Variants in RAPGEF2 observed in about 807,000 individuals in gnomAD.
RAPGEF2 encodes the protein Rap guanine nucleotide exchange factor 2, also known as PDZ domain containing guanine nucleotide exchange factor (GEF) 1.
RAPGEF2 carries 54 observed loss-of-function variants against 186.7 expected under a neutral mutation model. That is an observed-to-expected ratio of 0.29 (90% CI 0.23 to 0.36). The LOEUF (loss-of-function observed/expected upper bound fraction) is 0.36, where lower values mean the gene tolerates loss of function less well. RAPGEF2 is among the 10% of genes least tolerant of loss of function. The probability of loss-of-function intolerance (pLI) is 1.00; values close to 1 mark genes in which losing one functional copy is unlikely to be tolerated. For synonymous variants in RAPGEF2, 712 were observed against 705.9 expected (o/e 1.01, Z -0.14); for missense variants, 1,532 against 2,045.0 (o/e 0.75, Z 4.84).
At chr4:159,256,966 A>G (rs1296187088) in intron 7 of RAPGEF2, among the ~76,000 whole-genome samples, 2 of 152,112 alleles carry the variant, frequency 1.3e-5, no homozygotes, top group Non-Finnish European at 1.5e-5. Flanking sequence ...ATAGATTGTA[A>G]AAATTCTCTC....
intron 22 of RAPGEF2, 95 bp downstream of exon 22, chr4:159,343,499 A>G (rs1432060351): frequency 1.5e-5 from 23 of 1,496,990 alleles, no homozygotes; most frequent in East Asian, 2.3e-5. Flanking sequence ...GAGTATTTAT[A>G]TTTGTAGTAC....
rs1175957079 is a variant in RAPGEF2 at position 159,304,467 on chromosome 4, C to G, written c.669C>G (p.Ile223Met). 6.2e-7 allele frequency: 1 copy of G among 1,603,774 alleles called. No individual in the cohort carries two copies. The highest frequency in any genetic ancestry group is 8.5e-7 in the Non-Finnish European group (1 of 1,171,930). Reference sequence around the variant, plus strand: ...CTGGGAGCAGCAGTCTTTCTGATATCTACCAGGTAAGAGGATGTTTTCCTT... The same window carrying G: ...CTGGGAGCAGCAGTCTTTCTGATATGTACCAGGTAAGAGGATGTTTTCCTT... The part of the protein sequence containing the change: ...SDSGSSSLSD[I>M]YQATESEAGD... The change falls in exon 8 of 30, where the codon ATC becomes ATG. Residue 223 changes from isoleucine (I) to methionine (M), a missense_variant. This residue lies in a region of RAPGEF2 where 810 missense variants were observed against 1,210.5 expected (regional missense o/e 0.67). Coordinates refer to ENST00000691494, the MANE Select transcript of RAPGEF2 (RefSeq NM_001394067.2).
chr4:159,291,685 A>G (rs1761237509), intron 7 of RAPGEF2, among the ~76,000 whole-genome samples: 1 of 152,224 alleles, frequency 6.6e-6, no homozygotes, highest in South Asian at 2.1e-4. Flanking sequence ...ATAAAGTTAT[A>G]TAACCAGTGT....
chr4:159,182,569 T>C (rs1438515415), intron 1 of RAPGEF2, among the ~76,000 whole-genome samples: 1 of 152,074 alleles, frequency 6.6e-6, no homozygotes, highest in Non-Finnish European at 1.5e-5. Context: ...CAAATTTTTG[T>C]ATTTTCAGCA....
At chr4:159,304,574 A>AT in intron 8 of RAPGEF2, 101 bp downstream of exon 8, 5 of 1,109,696 alleles carry the variant, frequency 4.5e-6, no homozygotes, top group Non-Finnish European at 6.4e-6. Context: ...ATATGTGTAT[A>AT]TTACATGTGC....
At chr4:159,229,385 G>T (rs949477824) in intron 4 of RAPGEF2, 1 of 152,202 alleles carries the variant, frequency 6.6e-6, no homozygotes. Flanking sequence ...ACTGCCTTTC[G>T]TGGAAAGCTC....
At chr4:159,109,155 CTTAAT>C (rs1218756734) in intron 1 of RAPGEF2, among the ~76,000 whole-genome samples, 1 of 152,064 alleles carries the variant, frequency 6.6e-6, no homozygotes, top group Non-Finnish European at 1.5e-5. Context: ...CATATGAAAA[CTTAAT>C]GAGAAAAAAA....
At chr4:159,106,354 A>G (rs1737884649) in intron 1 of RAPGEF2, among the ~76,000 whole-genome samples, 2 of 152,222 alleles carry the variant, frequency 1.3e-5, no homozygotes, top group Admixed American at 6.5e-5. Flanking sequence ...AACGTTTTCC[A>G]TCTTTACCTG....
Position 159,189,265 on chromosome 4 carries a change from C to T in RAPGEF2, c.140+2553C>T, listed in dbSNP as rs149613466. Among the ~76,000 whole-genome samples, 612 of 152,190 alleles carry T rather than the reference C, an allele frequency of 4.0e-3. 1 individual carries two copies. The highest frequency in any genetic ancestry group is 0.012 in the African/African-American group (504 of 41,518). ...TTCTCCTGTGGGGGAGTGGAAGTGG[C>T]TTTTATTTATTTGAAAGCTTCCCTG... On this transcript the variant is annotated intron_variant, in intron 2 of 29. Coordinates refer to ENST00000691494, the MANE Select transcript of RAPGEF2 (RefSeq NM_001394067.2).
chr4:159,318,098 G>A (rs907836266), intron 9 of RAPGEF2, among the ~76,000 whole-genome samples: 1 of 151,712 alleles, frequency 6.6e-6, no homozygotes, highest in African/African-American at 2.4e-5. Context: ...GCTACAGGGA[G>A]TAGCATTTAT....
chr4:159,348,089 C>T (rs143952599), intron 25 of RAPGEF2, among the ~76,000 whole-genome samples: 10 of 152,126 alleles, frequency 6.6e-5, no homozygotes, highest in African/African-American at 1.4e-4. Context: ...GGCGTGATGG[C>T]GCATGCCTGC....
chr4:159,241,150 A>G (rs1387107737), intron 5 of RAPGEF2, 51 bp from the exon 6 acceptor site: 2 of 1,336,918 alleles, frequency 1.5e-6, no homozygotes, highest in Non-Finnish European at 2.0e-6. Context: ...TCTAATATTA[A>G]TAGGAAATGT....
intron 1 of RAPGEF2, among the ~76,000 whole-genome samples, chr4:159,104,520 G>GAGAC (rs1737603943): frequency 2.3e-5 from 3 of 127,828 alleles, no homozygotes; most frequent in Non-Finnish European, 4.9e-5. Context: ...GAGAGAGAGA[G>GAGAC]AGAGAGGGAG....
Position 159,331,485 on chromosome 4 carries a change from G to C in RAPGEF2, c.1522G>C (p.Asp508His), listed in dbSNP as rs754435661. Reference protein sequence around the residue: ...VNNHFNDFEGDPAMTRFLEEF... With the variant: ...VNNHFNDFEGHPAMTRFLEEF... ...TAATCACTTCAATGACTTTGAAGGA[G>C]ATCCTGCAATGACTCGATTTTTAGA... Residue 508 changes from aspartate to histidine, a missense_variant, in exon 14 of 30, where the codon GAT (aspartate) becomes CAT (histidine). This residue lies in a region of RAPGEF2 where 810 missense variants were observed against 1,210.5 expected (regional missense o/e 0.67). Transcript: ENST00000691494. 2.5e-6 allele frequency: 4 copies of C among 1,613,546 alleles called. No individual in the cohort carries two copies. The highest frequency in any genetic ancestry group is 2.2e-5 in the South Asian group (2 of 91,036).
intron 1 of RAPGEF2, among the ~76,000 whole-genome samples, chr4:159,139,890 G>T (rs73860447): frequency 0.062 from 9,360 of 152,186 alleles, 975 homozygotes; most frequent in African/African-American, 0.21. Flanking sequence ...GTGGAGTCAT[G>T]GAACAGGAAG....
In RAPGEF2 at chr4:159,144,805, A is replaced by G. The variant is rs143858830; in HGVS notation, c.69+40574A>G. ...GAGAAAGCATAGCTCTAACCTTTTA[A>G]GTACTTTTGATCATACTCCATTGAT... On this transcript the variant is annotated intron_variant, in intron 1 of 29. Transcript: ENST00000691494. 1.7e-4 allele frequency among the ~76,000 whole-genome samples: 26 copies of G among 151,580 alleles called. No individual in the cohort carries two copies. In the East Asian group the frequency reaches 5.0e-3, roughly 29 times the overall value.
chr4:159,312,027 T>C (rs1764008198), intron 8 of RAPGEF2, among the ~76,000 whole-genome samples: 1 of 152,080 alleles, frequency 6.6e-6, no homozygotes, highest in African/African-American at 2.4e-5. Flanking sequence ...GAAGGTTCAG[T>C]TTGGGAGAGA....
rs1364859942 is a variant in RAPGEF2 at position 159,345,183 on chromosome 4, G to A, written c.3356G>A (p.Arg1119His). Residue 1119 changes from arginine (R) to histidine (H), a missense_variant, in exon 24 of 30, where the codon CGT becomes CAT. Around this residue, in one of 4 missense-constraint regions of RAPGEF2, gnomAD observed 117 missense variants for 180.8 expected, o/e 0.65. Coordinates refer to ENST00000691494, the MANE Select transcript of RAPGEF2 (RefSeq NM_001394067.2). ...GGTGGTCATAAAAAGCGGGTACGTC[G>A]TAGTTCCTTTCTCAATGCCAAAAAG... ...QTGGHKKRVRRSSFLNAKKLY... is the reference protein window; with the variant it reads ...QTGGHKKRVRHSSFLNAKKLY... The A allele has an allele frequency of 4.3e-6, 7 of 1,614,026 alleles. No homozygotes were observed. The highest frequency in any genetic ancestry group is 5.1e-6 in the Non-Finnish European group (6 of 1,180,014).
At chr4:159,305,480 C>G (rs1211289163) in intron 8 of RAPGEF2, among the ~76,000 whole-genome samples, 2 of 151,932 alleles carry the variant, frequency 1.3e-5, no homozygotes, top group African/African-American at 4.8e-5. Flanking sequence ...TGTATGTTTT[C>G]TTTTGAAAAT....
Sources: gnomAD v4.1 joint callset for allele counts (sites outside exome capture counted in the v4.1 genomes callset) on GRCh38, gnomAD v4.1.1 for gene constraint, gnomAD v4.1.1 regional missense constraint, MANE v1.5 for transcripts, NCBI Gene and HGNC (gene_info 2026-07-23, HGNC 2026-07-21) for gene names.